GLIS1: variants seen among roughly 807,000 people sequenced by gnomAD.
The protein encoded by GLIS1 is zinc finger protein GLIS1.
Under a neutral mutation model 63.8 loss-of-function variants are expected in GLIS1, and 24 were observed. That is an observed-to-expected ratio of 0.38 (90% CI 0.27 to 0.53). GLIS1 has a LOEUF of 0.53. Among genes scored for constraint, GLIS1 ranks in the 20% least tolerant of loss-of-function variants. The probability of loss-of-function intolerance (pLI) is 0.85; values close to 1 mark genes in which losing one functional copy is unlikely to be tolerated. For synonymous variants in GLIS1, 450 were observed against 482.5 expected (o/e 0.93, Z 0.88); for missense variants, 1,036 against 1,074.1 (o/e 0.96, Z 0.50).
chr1:53,686,099 T>C (rs1646333685), intron 2 of GLIS1, among the ~76,000 whole-genome samples: 1 of 152,140 alleles, frequency 6.6e-6, no homozygotes, highest in Non-Finnish European at 1.5e-5. Flanking sequence ...CTATGGCCAT[T>C]GTTCCTTCCA....
intron 4 of GLIS1, among the ~76,000 whole-genome samples, chr1:53,567,148 G>A (rs1274253498): frequency 6.6e-6 from 1 of 152,256 alleles, no homozygotes; most frequent in African/African-American, 2.4e-5. Flanking sequence ...TCAAGGCTGA[G>A]ATGGTCTCAG....
intron 7 of GLIS1, among the ~76,000 whole-genome samples, chr1:53,519,806 G>A (rs1235788283): frequency 6.6e-6 from 1 of 152,264 alleles, no homozygotes; most frequent in Non-Finnish European, 1.5e-5. Context: ...TCTGGGCTAA[G>A]TTCCTATCCT....
intron 4 of GLIS1, among the ~76,000 whole-genome samples, chr1:53,587,540 C>T (rs897391567): frequency 1.4e-4 from 22 of 152,122 alleles, no homozygotes; most frequent in African/African-American, 5.3e-4. Flanking sequence ...CCCCAGCCTC[C>T]AGGAAGGGAG....
intron 2 of GLIS1, among the ~76,000 whole-genome samples, chr1:53,618,113 G>A (rs544601991): frequency 1.3e-5 from 2 of 152,350 alleles, no homozygotes; most frequent in South Asian, 2.1e-4. Context: ...GCAGGCCTGG[G>A]GAAGGGACCT....
rs147918226 is a variant in GLIS1, at chr1:53,586,615, A to C, written c.1320+7493T>G. On this transcript the variant is annotated intron_variant, in intron 4 of 10. Coordinates refer to ENST00000628545, the MANE Select transcript of GLIS1 (RefSeq NM_001367484.1). ...AACAGTCCTATTACCCCAATTTCATAGGTAAGAAAACCGAGGCTTATAGAA... is the reference window on the plus strand; with the variant it reads ...AACAGTCCTATTACCCCAATTTCATCGGTAAGAAAACCGAGGCTTATAGAA... Among the ~76,000 whole-genome samples the C allele has an allele frequency of 3.3e-5, 5 of 152,338 alleles. No individual in the cohort carries two copies. The East Asian group carries it at 9.6e-4, about 29-fold the overall frequency.
intron 2 of GLIS1, among the ~76,000 whole-genome samples, chr1:53,675,322 A>G (rs146278448): frequency 2.0e-5 from 3 of 152,282 alleles, no homozygotes; most frequent in East Asian, 1.9e-4. Flanking sequence ...TTATTATTCC[A>G]TCTTTAGAGA....
chr1:53,716,512 T>C (rs936734810), intron 2 of GLIS1, among the ~76,000 whole-genome samples: 1 of 151,878 alleles, frequency 6.6e-6, no homozygotes, highest in Non-Finnish European at 1.5e-5. Flanking sequence ...ATGAAATGAA[T>C]GGAAAACAGG....
intron 2 of GLIS1, among the ~76,000 whole-genome samples, chr1:53,637,121 G>A (rs1645734124): frequency 6.6e-6 from 1 of 152,210 alleles, no homozygotes; most frequent in Non-Finnish European, 1.5e-5. Flanking sequence ...CCACTGCTGT[G>A]CACTGGGCAG....
Position 53,597,317 on chromosome 1 carries a change from G to A in GLIS1, c.438-2327C>T, listed in dbSNP as rs144047284. On this transcript the variant is annotated intron_variant, in intron 3 of 10. Transcript: ENST00000628545. ...GAACCCGGGAGGCGGAGCTTGCAGT[G>A]AGCCGAGATGGCGCCATTGCACTCC... is the stretch of plus-strand genomic sequence containing the variant. Among the ~76,000 whole-genome samples, 77 of 147,316 alleles carry A rather than the reference G, an allele frequency of 5.2e-4. 1 individual carries two copies. The East Asian group carries it at 0.015, about 29-fold the overall frequency.
intron 2 of GLIS1, among the ~76,000 whole-genome samples, chr1:53,652,703 C>T (rs995480098): frequency 3.9e-5 from 6 of 152,114 alleles, no homozygotes; most frequent in African/African-American, 2.4e-5. Context: ...CGAGGCTCCT[C>T]GGTCCCTGTG....
chr1:53,697,605 C>T (rs1297006738), intron 2 of GLIS1, among the ~76,000 whole-genome samples: 2 of 152,200 alleles, frequency 1.3e-5, no homozygotes, highest in Non-Finnish European at 2.9e-5. Context: ...TGGAGCTAAA[C>T]TACACAGCAG....
At chr1:53,649,943 A>C (rs1380229412) in intron 2 of GLIS1, among the ~76,000 whole-genome samples, 1 of 152,200 alleles carries the variant, frequency 6.6e-6, no homozygotes, top group Admixed American at 6.5e-5. Flanking sequence ...TTTTGACTAT[A>C]CCGGGGCTCT....
intron 2 of GLIS1, among the ~76,000 whole-genome samples, chr1:53,678,558 G>A (rs1474539937): frequency 6.6e-6 from 1 of 152,062 alleles, no homozygotes; most frequent in Non-Finnish European, 1.5e-5. Context: ...CATGGATGGG[G>A]AGGTGATGGC....
chr1:53,556,934 C>T (rs1440882638), intron 4 of GLIS1, among the ~76,000 whole-genome samples: 1 of 140,846 alleles, frequency 7.1e-6, no homozygotes, highest in African/African-American at 2.7e-5. Context: ...AGGTGTACTG[C>T]AGGTATGTGT....
rs569347192 is a variant in GLIS1 at position 53,598,267 on chromosome 1, G to T, written c.437+1834C>A. On this transcript the variant is annotated intron_variant, in intron 3 of 10. Transcript: ENST00000628545. The surrounding 1 kb of genome is among the most constrained non-coding windows in gnomAD (Gnocchi z 4.6). Reference sequence around the variant, plus strand: ...TGTTCTTATAAGAAATGAGGGCCGGGCACGGTGGCTCACGCCTGTAATCCC... The same window carrying T: ...TGTTCTTATAAGAAATGAGGGCCGGTCACGGTGGCTCACGCCTGTAATCCC... Among the ~76,000 whole-genome samples the T allele has an allele frequency of 6.6e-6, 1 of 152,220 alleles. No homozygotes were observed. Among genetic ancestry groups the T allele is most frequent in the Non-Finnish European group, 1.5e-5 (1 of 68,036 alleles).
intron 2 of GLIS1, among the ~76,000 whole-genome samples, chr1:53,618,034 G>A (rs1202087794): frequency 6.6e-6 from 1 of 152,256 alleles, no homozygotes; most frequent in Non-Finnish European, 1.5e-5. Flanking sequence ...AGGTGAGCAG[G>A]CAGTCCAGGC....
intron 4 of GLIS1, among the ~76,000 whole-genome samples, chr1:53,559,426 C>T (rs937926611): frequency 6.6e-6 from 1 of 152,192 alleles, no homozygotes. Context: ...ACCTCTCCTT[C>T]CTCCCTCCAC....
chr1:53,550,919 C>T lies in GLIS1; in HGVS notation c.1321-20967G>A, dbSNP rs200311640. On this transcript the variant is annotated intron_variant, in intron 4 of 10. Transcript: ENST00000628545. ...AGGCTGGAGTGCAATGGCGCGATCTCGGCTCACTGCAACCTCTGCCTCCCG... is the reference window on the plus strand; with the variant it reads ...AGGCTGGAGTGCAATGGCGCGATCTTGGCTCACTGCAACCTCTGCCTCCCG... 3.4e-4 allele frequency among the ~76,000 whole-genome samples: 52 copies of T among 152,254 alleles called. No homozygotes were observed. The East Asian group carries it at 3.5e-3, about 10-fold the overall frequency.
chr1:53,518,527 AG>A (rs1477829193), intron 7 of GLIS1, among the ~76,000 whole-genome samples: 1 of 152,202 alleles, frequency 6.6e-6, no homozygotes, highest in Middle Eastern at 3.2e-3. Flanking sequence ...TCAGTCACAT[AG>A]GGTTTATGTA....
Sources: allele counts gnomAD v4.1 joint callset (sites outside exome capture counted in the v4.1 genomes callset), GRCh38; gene constraint gnomAD v4.1.1; non-coding constraint Gnocchi (gnomAD v3.1); transcripts MANE v1.5; gene names NCBI Gene and HGNC (gene_info 2026-07-23, HGNC 2026-07-21).